PTPRR: variants seen among roughly 807,000 people sequenced by gnomAD.
The protein encoded by PTPRR is protein tyrosine phosphatase receptor type R.
In PTPRR, 38 loss-of-function variants were observed where a neutral mutation model predicts 77.2. That is an observed-to-expected ratio of 0.49 (90% CI 0.38 to 0.65). The LOEUF (loss-of-function observed/expected upper bound fraction) is 0.65, where lower values mean the gene tolerates loss of function less well. PTPRR is among the 30% of genes least tolerant of loss of function. The probability of loss-of-function intolerance (pLI) is 0.00; values close to 1 mark genes in which losing one functional copy is unlikely to be tolerated. For synonymous variants in PTPRR, 299 were observed against 283.1 expected, an observed-to-expected ratio of 1.06 and a Z score of -0.57; for missense variants, 744 against 799.2, an observed-to-expected ratio of 0.93 and a Z score of 0.83.
chr12:70,849,555 A>G (rs1480297035), intron 2 of PTPRR, among the ~76,000 whole-genome samples: 1 of 152,206 alleles, frequency 6.6e-6, no homozygotes, highest in African/African-American at 2.4e-5. Context: ...GAAGAGGGAC[A>G]TCTGGTGGAT....
rs185385778 is a variant in PTPRR at position 70,852,564 on chromosome 12, C to T, written c.357+40115G>A. ...TCCCTTCTCAGGAGAGGCTGATTCT[C>T]TACTGATGTTAAGCTAAGCCCCTTC... On this transcript the variant is annotated intron_variant, in intron 2 of 13. Coordinates refer to ENST00000283228, the MANE Select transcript of PTPRR (RefSeq NM_002849.4). Among the ~76,000 whole-genome samples, 25 of 152,242 alleles carry T rather than the reference C, an allele frequency of 1.6e-4. No homozygotes were observed. In the East Asian group the frequency reaches 4.1e-3, roughly 25 times the overall value.
chr12:70,701,851 T>C (rs1888438532), intron 6 of PTPRR, among the ~76,000 whole-genome samples: 1 of 151,966 alleles, frequency 6.6e-6, no homozygotes, highest in African/African-American at 2.4e-5. Flanking sequence ...CCCACACTTG[T>C]AGTCTCAGCT....
At chr12:70,798,790 T>G (rs1248860771) in intron 2 of PTPRR, among the ~76,000 whole-genome samples, 1 of 141,736 alleles carries the variant, frequency 7.1e-6, no homozygotes, top group African/African-American at 2.6e-5. Context: ...ATCTGGTATG[T>G]ATCTTACATA....
chr12:70,719,648 G>T (rs577373418), intron 6 of PTPRR, among the ~76,000 whole-genome samples: 1 of 152,156 alleles, frequency 6.6e-6, no homozygotes, highest in East Asian at 1.9e-4. Flanking sequence ...AGCGATAAAA[G>T]GCCTTCCGAT....
At chr12:70,706,156 A>G (rs954090) in intron 6 of PTPRR, among the ~76,000 whole-genome samples, 47,705 of 151,940 alleles carry the variant, frequency 0.31, 7,774 homozygotes, top group South Asian at 0.48. Flanking sequence ...GCAACTCCCA[A>G]TTCTATGACT....
chr12:70,841,828 C>T (rs1291927843), intron 2 of PTPRR, among the ~76,000 whole-genome samples: 1 of 151,926 alleles, frequency 6.6e-6, no homozygotes, highest in Admixed American at 6.6e-5. Flanking sequence ...ATTCAAAACC[C>T]AATTATTATT....
In PTPRR at chr12:70,831,756, C is replaced by A. The variant is rs571030462; in HGVS notation, c.357+60923G>T. 5.2e-4 allele frequency among the ~76,000 whole-genome samples: 79 copies of A among 152,242 alleles called. No individual in the cohort carries two copies. The South Asian group carries it at 0.013, about 26-fold the overall frequency. ...AAAGCTTTCTCATTTCCTAAGAAAGCCTTTCCTATCTCAAGTCATATTTAT... is the reference window on the plus strand; with the variant it reads ...AAAGCTTTCTCATTTCCTAAGAAAGACTTTCCTATCTCAAGTCATATTTAT... On this transcript the variant is annotated intron_variant, in intron 2 of 13. Coordinates refer to ENST00000283228, the MANE Select transcript of PTPRR (RefSeq NM_002849.4).
At chr12:70,824,936 C>A (rs901863579) in intron 2 of PTPRR, among the ~76,000 whole-genome samples, 4 of 152,140 alleles carry the variant, frequency 2.6e-5, no homozygotes, top group African/African-American at 9.7e-5. Context: ...CTCACAGTAA[C>A]CCTGCTAGGT....
intron 10 of PTPRR, among the ~76,000 whole-genome samples, chr12:70,662,889 T>C (rs1167311031): frequency 6.0e-5 from 9 of 151,162 alleles, no homozygotes; most frequent in Middle Eastern, 3.4e-3. Context: ...AAAGGCAGAA[T>C]TACCCAAAAC....
Position 70,879,394 on chromosome 12 carries a change from TA to T in PTPRR, c.357+13284del, listed in dbSNP as rs75616879. ...GAATAGAAATTTACAGATCCTATTG[TA>T]AAAAAAAAAAAAAGAAGAAACAAAG... On this transcript the variant is annotated intron_variant, in intron 2 of 13. Coordinates refer to ENST00000283228, the MANE Select transcript of PTPRR (RefSeq NM_002849.4). Among the ~76,000 whole-genome samples the T allele has an allele frequency of 8.3e-3, 1,164 of 139,970 alleles. 1 individual carries two copies. The highest frequency in any genetic ancestry group is 0.011 in the Middle Eastern group (3 of 276). 91.8% of individuals were successfully genotyped at this position (139,970 alleles called of 152,430 possible). A position where few individuals can be genotyped will look rare whatever the true frequency, so the allele number is the denominator to read the frequency against.
At chr12:70,652,918 G>A (rs1886448866) in intron 13 of PTPRR, among the ~76,000 whole-genome samples, 1 of 152,182 alleles carries the variant, frequency 6.6e-6, no homozygotes, top group Non-Finnish European at 1.5e-5. Flanking sequence ...GGGAGGGTGA[G>A]CAGGCAAGAA....
At chr12:70,906,818 AAAAT>A (rs1190019733) in intron 1 of PTPRR, 1 of 152,176 alleles carries the variant, frequency 6.6e-6, no homozygotes, top group Non-Finnish European at 1.5e-5. Context: ...TTTTTAAAAA[AAAAT>A]CAGTTTCTAC....
intron 13 of PTPRR, among the ~76,000 whole-genome samples, chr12:70,647,035 T>A (rs1886225199): frequency 6.6e-6 from 1 of 152,200 alleles, no homozygotes; most frequent in Admixed American, 6.5e-5. Context: ...CATCTTTTTA[T>A]CCTGTGTGGG....
At chr12:70,766,644 G>C (rs1674531973) in intron 2 of PTPRR, among the ~76,000 whole-genome samples, 1 of 150,984 alleles carries the variant, frequency 6.6e-6, no homozygotes, top group Admixed American at 6.6e-5. Context: ...CCAGCATTCA[G>C]ATTCAGGAAA....
At chr12:70,854,798 G>C (rs1482171136) in intron 2 of PTPRR, among the ~76,000 whole-genome samples, 1 of 152,156 alleles carries the variant, frequency 6.6e-6, no homozygotes, top group Non-Finnish European at 1.5e-5. Flanking sequence ...GTACTTACTA[G>C]GAAGAGTTGT....
Position 70,785,017 on chromosome 12 carries a change from A to G in PTPRR, c.358-20239T>C, listed in dbSNP as rs573000915. 2.0e-5 allele frequency among the ~76,000 whole-genome samples: 3 copies of G among 152,278 alleles called. No individual in the cohort carries two copies. The South Asian group carries it at 6.2e-4, about 32-fold the overall frequency. ...GAAATGCTATCATTTGTTTCTGGAG[A>G]GAATATATATATTCGAGGTTGAAGG... On this transcript the variant is annotated intron_variant, in intron 2 of 13. Coordinates refer to ENST00000283228, the MANE Select transcript of PTPRR (RefSeq NM_002849.4).
intron 12 of PTPRR, among the ~76,000 whole-genome samples, chr12:70,658,161 C>T (rs760234328): frequency 1.8e-4 from 28 of 152,184 alleles, no homozygotes; most frequent in African/African-American, 4.1e-4. Context: ...TTTTCACTTA[C>T]GTCAATTGTT....
At chr12:70,839,869 C>T (rs761189957) in intron 2 of PTPRR, among the ~76,000 whole-genome samples, 19 of 152,130 alleles carry the variant, frequency 1.2e-4, no homozygotes, top group Non-Finnish European at 1.9e-4. Flanking sequence ...AACTACTAGT[C>T]GTTCAAAACC....
intron 1 of PTPRR, among the ~76,000 whole-genome samples, chr12:70,912,494 A>G: frequency 6.6e-6 from 1 of 152,314 alleles, no homozygotes; most frequent in East Asian, 1.9e-4. Flanking sequence ...ATAAAAAATA[A>G]AATAGAAATA....
Sources: allele counts gnomAD v4.1 joint callset (sites outside exome capture counted in the v4.1 genomes callset), GRCh38; gene constraint gnomAD v4.1.1; transcripts MANE v1.5; gene names NCBI Gene and HGNC (gene_info 2026-07-23, HGNC 2026-07-21).